ENAH: variants seen among roughly 807,000 people sequenced by gnomAD.
ENAH encodes ENAH actin regulator.
ENAH carries 23 observed loss-of-function variants against 78.7 expected under a neutral mutation model. That is an observed-to-expected ratio of 0.29 (90% CI 0.21 to 0.41). The LOEUF (loss-of-function observed/expected upper bound fraction) is 0.41, where lower values mean the gene tolerates loss of function less well. Ranked by LOEUF, ENAH falls within the 10% of genes least tolerant of loss-of-function variation. The probability of loss-of-function intolerance (pLI) is 1.00; values close to 1 mark genes in which losing one functional copy is unlikely to be tolerated. For synonymous variants in ENAH, 226 were observed against 241.0 expected (o/e 0.94, Z 0.58); for missense variants, 544 against 691.0 (o/e 0.79, Z 2.39).
chr1:225,652,499 G>A, intron 1 of ENAH, 187 bp downstream of exon 1: 1 of 862,112 alleles, frequency 1.2e-6, no homozygotes. Context: ...CAAACCACAC[G>A]GGTTGGGGAG....
At chr1:225,615,772 G>GCCA (rs1558913374) in intron 1 of ENAH, among the ~76,000 whole-genome samples, 1 of 146,910 alleles carries the variant, frequency 6.8e-6, no homozygotes, top group African/African-American at 2.5e-5. Context: ...CTGCCCGGCC[G>GCCA]CCCCGTCTGA....
At chr1:225,584,726 A>T (rs576026988) in intron 1 of ENAH, among the ~76,000 whole-genome samples, 1 of 152,352 alleles carries the variant, frequency 6.6e-6, no homozygotes, top group African/African-American at 2.4e-5. Context: ...CTTCAAAGTA[A>T]CATAAAAAAA....
At chr1:225,571,742 A>G (rs2096763604) in intron 1 of ENAH, among the ~76,000 whole-genome samples, 1 of 152,152 alleles carries the variant, frequency 6.6e-6, no homozygotes, top group African/African-American at 2.4e-5. Context: ...TTCATCGATC[A>G]TGCTTATGTA....
intron 5 of ENAH, chr1:225,517,900 T>G: frequency 6.4e-7 from 1 of 1,550,972 alleles, no homozygotes. Flanking sequence ...TGAGATGACT[T>G]TAGCGTATGA....
At chr1:225,642,399 T>C (rs1487430743) in intron 1 of ENAH, among the ~76,000 whole-genome samples, 1 of 152,104 alleles carries the variant, frequency 6.6e-6, no homozygotes, top group East Asian at 1.9e-4. Flanking sequence ...GCTTTCATAC[T>C]AGGGCATGTT....
At chr1:225,562,255 G>T (rs2096709974) in intron 2 of ENAH, among the ~76,000 whole-genome samples, 1 of 151,682 alleles carries the variant, frequency 6.6e-6, no homozygotes, top group African/African-American at 2.4e-5. Context: ...TTTGATTCAA[G>T]GTCAGGAACG....
chr1:225,517,484 C>T (rs2096430368), intron 5 of ENAH, 178 bp from the exon 6 acceptor site: 1 of 1,551,640 alleles, frequency 6.4e-7, no homozygotes, highest in African/African-American at 1.4e-5. Context: ...GGATATGTTA[C>T]AGAGTCAACC....
chr1:225,608,207 A>G (rs1472424834), intron 1 of ENAH, among the ~76,000 whole-genome samples: 1 of 143,702 alleles, frequency 7.0e-6, no homozygotes, highest in African/African-American at 2.6e-5. Context: ...AAGGAGTTGG[A>G]ATATAAAAAA....
intron 2 of ENAH, among the ~76,000 whole-genome samples, chr1:225,558,659 A>C: frequency 2.1e-5 from 2 of 96,686 alleles, no homozygotes; most frequent in East Asian, 7.2e-4. Flanking sequence ...TTTGAGATGG[A>C]GTCTCGCTCT....
chr1:225,629,089 C>G (rs770512451), intron 1 of ENAH, among the ~76,000 whole-genome samples: 61 of 151,294 alleles, frequency 4.0e-4, no homozygotes, highest in Admixed American at 5.3e-4. Context: ...ACCAGCCTGG[C>G]CAACATGGTA....
At chr1:225,527,970 C>G (rs1417923464) in intron 4 of ENAH, among the ~76,000 whole-genome samples, 1 of 152,150 alleles carries the variant, frequency 6.6e-6, no homozygotes, top group Non-Finnish European at 1.5e-5. Context: ...TGGGAAGTCT[C>G]TAAAAGGCCA....
chr1:225,556,971 A>G (rs940126389), intron 2 of ENAH, among the ~76,000 whole-genome samples: 1 of 152,154 alleles, frequency 6.6e-6, no homozygotes, highest in Non-Finnish European at 1.5e-5. Context: ...AAGTGTCTAT[A>G]AGGCTCTATT....
chr1:225,527,144 C>G (rs930103199), intron 4 of ENAH, among the ~76,000 whole-genome samples: 2 of 152,172 alleles, frequency 1.3e-5, no homozygotes, highest in African/African-American at 4.8e-5. Flanking sequence ...TGGCACCTCA[C>G]CCACATCCTC....
chr1:225,515,043 A>C, intron 6 of ENAH, 143 bp from the exon 7 acceptor site: 1 of 735,290 alleles, frequency 1.4e-6, no homozygotes. Flanking sequence ...TAGTTGTAAA[A>C]GTCTAGATCA....
At chr1:225,536,296 A>C (rs1048619033) in intron 3 of ENAH, among the ~76,000 whole-genome samples, 111 of 152,216 alleles carry the variant, frequency 7.3e-4, no homozygotes, top group Non-Finnish European at 7.4e-5. Flanking sequence ...TTTAGGAGAA[A>C]AAACTCAATG....
Position 225,561,018 on chromosome 1 carries a change from G to A in ENAH, c.172-5935C>T, listed in dbSNP as rs1460403363. Among the ~76,000 whole-genome samples, 4 of 152,002 alleles carry A rather than the reference G, an allele frequency of 2.6e-5. No individual in the cohort carries two copies. In the South Asian group the frequency reaches 6.2e-4, roughly 24 times the overall value. ...TGGGAGGCCAAGGCGGGCAGATCAC[G>A]ATGTCAGGAGATTGAGACCATCCTG... On this transcript the variant is annotated intron_variant, in intron 2 of 13. Transcript: ENST00000366843.
chr1:225,621,421 T>G (rs2148258153), intron 1 of ENAH, among the ~76,000 whole-genome samples: 1 of 150,912 alleles, frequency 6.6e-6, no homozygotes, highest in South Asian at 2.1e-4. Flanking sequence ...GCCTCCCAAG[T>G]AGCTGGGACT....
At chr1:225,560,075 T>C (rs962544357) in intron 2 of ENAH, among the ~76,000 whole-genome samples, 21 of 152,092 alleles carry the variant, frequency 1.4e-4, no homozygotes, top group African/African-American at 5.1e-4. Flanking sequence ...AGCAGCACCA[T>C]AGCCAGCCTT....
intron 1 of ENAH, among the ~76,000 whole-genome samples, chr1:225,576,069 G>A (rs2096786217): frequency 6.6e-6 from 1 of 152,042 alleles, no homozygotes; most frequent in Admixed American, 6.6e-5. Context: ...AGAATCAGCT[G>A]TGCAGCCTGG....
Sources: gnomAD v4.1 joint callset for allele counts (sites outside exome capture counted in the v4.1 genomes callset) on GRCh38, gnomAD v4.1.1 for gene constraint, MANE v1.5 for transcripts, NCBI Gene and HGNC (gene_info 2026-07-23, HGNC 2026-07-21) for gene names.